The following NCK2 variants were observed in gnomAD, a reference collection of about 807,000 sequenced individuals.
The protein encoded by NCK2 is cytoplasmic protein NCK2.
Under a neutral mutation model 33.9 loss-of-function variants are expected in NCK2, and 16 were observed. That is an observed-to-expected ratio of 0.47 (90% CI 0.32 to 0.72). The LOEUF (loss-of-function observed/expected upper bound fraction) is 0.72, where lower values mean the gene tolerates loss of function less well. Ranked by LOEUF, NCK2 falls within the 30% of genes least tolerant of loss-of-function variation. The probability of loss-of-function intolerance (pLI) is 0.03; values close to 1 mark genes in which losing one functional copy is unlikely to be tolerated. For synonymous variants in NCK2, 273 were observed against 239.9 expected (o/e 1.14, Z -1.27); for missense variants, 418 against 537.3 (o/e 0.78, Z 2.19).
intron 1 of NCK2, among the ~76,000 whole-genome samples, chr2:105,815,893 T>C (rs1427576412): frequency 6.6e-6 from 1 of 151,952 alleles, no homozygotes; most frequent in Non-Finnish European, 1.5e-5. Flanking sequence ...CTTTTAAAGG[T>C]GGGGCTCATT....
chr2:105,844,630 C>T (rs1156326088), intron 2 of NCK2, among the ~76,000 whole-genome samples: 21 of 149,756 alleles, frequency 1.4e-4, no homozygotes, highest in African/African-American at 5.1e-4. Flanking sequence ...TGCAGCTACT[C>T]GGGAGGGTGA....
At chr2:105,748,554 A>G (rs1689361147) in intron 1 of NCK2, among the ~76,000 whole-genome samples, 2 of 152,038 alleles carry the variant, frequency 1.3e-5, no homozygotes, top group Admixed American at 1.3e-4. Context: ...GGTGTGCACC[A>G]CCATGCTCAG....
At chr2:105,851,587 T>C (rs888305279) in intron 2 of NCK2, among the ~76,000 whole-genome samples, 1 of 152,202 alleles carries the variant, frequency 6.6e-6, no homozygotes, top group Non-Finnish European at 1.5e-5. Flanking sequence ...TCTTGGGAAG[T>C]GTGGCTTCCA....
chr2:105,770,239 A>G (rs1396595961), intron 1 of NCK2, among the ~76,000 whole-genome samples: 1 of 152,092 alleles, frequency 6.6e-6, no homozygotes, highest in Non-Finnish European at 1.5e-5. Context: ...AAAAAATGTT[A>G]ATATTCTGGA....
chr2:105,873,633 A>G (rs1678112587), intron 3 of NCK2, among the ~76,000 whole-genome samples: 1 of 152,162 alleles, frequency 6.6e-6, no homozygotes, highest in Non-Finnish European at 1.5e-5. Context: ...GGGGAGAGGA[A>G]CAGTGAGGCT....
chr2:105,891,158 C>T (rs1172485680), intron 4 of NCK2, among the ~76,000 whole-genome samples: 1 of 152,244 alleles, frequency 6.6e-6, no homozygotes, highest in African/African-American at 2.4e-5. Flanking sequence ...TACGCATACT[C>T]TCACACACTC....
intron 1 of NCK2, among the ~76,000 whole-genome samples, chr2:105,799,474 T>C (rs1246879056): frequency 6.6e-6 from 1 of 152,130 alleles, no homozygotes; most frequent in Non-Finnish European, 1.5e-5. Context: ...CCTGGGGACT[T>C]GACTTGAGAT....
At chr2:105,770,539 A>C (rs1319823055) in intron 1 of NCK2, among the ~76,000 whole-genome samples, 1 of 152,214 alleles carries the variant, frequency 6.6e-6, no homozygotes, top group Non-Finnish European at 1.5e-5. Context: ...TCATTTTCTT[A>C]GAAGTAGAAG....
At chr2:105,774,856 G>A (rs1293707629) in intron 1 of NCK2, among the ~76,000 whole-genome samples, 1 of 151,926 alleles carries the variant, frequency 6.6e-6, no homozygotes, top group African/African-American at 2.4e-5. Flanking sequence ...AAGAAATGTG[G>A]CTTAATGAGC....
chr2:105,791,250 T>C lies in NCK2; in HGVS notation c.-200-25180T>C, dbSNP rs1239241829. Among the ~76,000 whole-genome samples the C allele has an allele frequency of 2.0e-5, 3 of 152,210 alleles. No individual in the cohort carries two copies. In the East Asian group the frequency reaches 5.8e-4, roughly 29 times the overall value. ...TAATTCTTAAGAGAATGTTGATTCA[T>C]CTAGAGAAACCTGAGGCAGTGATGT... On this transcript the variant is annotated intron_variant, in intron 1 of 4. Coordinates refer to ENST00000233154, the MANE Select transcript of NCK2 (RefSeq NM_003581.5).
At chr2:105,763,058 C>T (rs796125869) in intron 1 of NCK2, among the ~76,000 whole-genome samples, 8 of 152,132 alleles carry the variant, frequency 5.3e-5, no homozygotes, top group East Asian at 1.9e-4. Context: ...ATTAGCCAGG[C>T]GTGGTGGTAT....
chr2:105,780,662 C>A (rs1194059041), intron 1 of NCK2, among the ~76,000 whole-genome samples: 1 of 152,168 alleles, frequency 6.6e-6, no homozygotes, highest in Non-Finnish European at 1.5e-5. Flanking sequence ...TCCTACCCCC[C>A]AAGGTGATGG....
intron 1 of NCK2, among the ~76,000 whole-genome samples, chr2:105,762,657 A>G (rs1046033805): frequency 2.0e-5 from 3 of 152,222 alleles, no homozygotes; most frequent in East Asian, 1.9e-4. Context: ...AGCACAGCCC[A>G]TAGCATTTAC....
intron 2 of NCK2, among the ~76,000 whole-genome samples, chr2:105,845,546 A>G (rs1676825897): frequency 6.6e-6 from 1 of 151,972 alleles, no homozygotes. Context: ...GGCATGTACC[A>G]GCATGCCCGG....
chr2:105,779,055 C>T (rs753683597), intron 1 of NCK2, among the ~76,000 whole-genome samples: 2 of 151,946 alleles, frequency 1.3e-5, no homozygotes, highest in Admixed American at 6.6e-5. Context: ...ACCTGTAGTC[C>T]CAGCACTTTG....
At chr2:105,854,956 A>T in intron 2 of NCK2, 92 bp from the exon 3 acceptor site, 1 of 888,008 alleles carries the variant, frequency 1.1e-6, no homozygotes, top group Non-Finnish European at 1.8e-6. Context: ...AGTTGTAATA[A>T]AAGCTGTCAG....
chr2:105,862,764 T>G (rs952964643), intron 3 of NCK2, among the ~76,000 whole-genome samples: 2 of 152,200 alleles, frequency 1.3e-5, no homozygotes, highest in Non-Finnish European at 1.5e-5. Context: ...CTTGGCAGCT[T>G]AGTCTCAAAT....
intron 2 of NCK2, among the ~76,000 whole-genome samples, chr2:105,818,764 T>C (rs954583286): frequency 2.6e-5 from 4 of 152,320 alleles, no homozygotes; most frequent in African/African-American, 9.6e-5. Flanking sequence ...TGTTGGACTA[T>C]GGAATCTTTT....
In NCK2 at chr2:105,745,019, G is replaced by A. The variant is rs1346427594; in HGVS notation, c.-320G>A. 6.9e-6 allele frequency: 1 copy of A among 145,750 alleles called. No homozygotes were observed. The highest frequency in any genetic ancestry group is 1.5e-5 in the Non-Finnish European group (1 of 65,586). The allele number at this position is 145,750 out of a possible 1,614,324, so 9.0% of individuals were successfully genotyped here. ...GGGTCCGCCCGGGCCGGCAGCGTCC[G>A]CCCGGCGGCGGGAGGAGGGAGCGGC... is the stretch of plus-strand genomic sequence containing the variant. On this transcript the variant is annotated 5_prime_UTR_variant, in exon 1 of 5. Coordinates refer to ENST00000233154, the MANE Select transcript of NCK2 (RefSeq NM_003581.5).
Sources: gnomAD v4.1 joint callset for allele counts (sites outside exome capture counted in the v4.1 genomes callset) on GRCh38, gnomAD v4.1.1 for gene constraint, MANE v1.5 for transcripts, NCBI Gene and HGNC (gene_info 2026-07-23, HGNC 2026-07-21) for gene names.